The following PLS1 variants were observed in gnomAD, a reference collection of about 807,000 sequenced individuals.
PLS1 encodes plastin 1.
Under a neutral mutation model 73.7 loss-of-function variants are expected in PLS1, and 32 were observed. The ratio of observed to expected loss-of-function variants is 0.43; its 90% CI spans 0.33 to 0.58. The LOEUF is 0.58. PLS1 is among the 20% of genes least tolerant of loss of function. The probability of loss-of-function intolerance (pLI) is 0.04; values close to 1 mark genes in which losing one functional copy is unlikely to be tolerated. For missense variants in PLS1, 633 were observed against 740.5 expected (o/e 0.85, Z 1.68); for synonymous variants, 217 against 261.3 (o/e 0.83, Z 1.63).
At chr3:142,655,595 G>A (rs1014533926) in intron 1 of PLS1, among the ~76,000 whole-genome samples, 3 of 147,658 alleles carry the variant, frequency 2.0e-5, no homozygotes, top group Non-Finnish European at 1.5e-5. Context: ...GGTGGCGGGC[G>A]CCTGCAATCC....
intron 4 of PLS1, among the ~76,000 whole-genome samples, chr3:142,671,509 G>C (rs1041701902): frequency 1.3e-5 from 2 of 152,088 alleles, no homozygotes; most frequent in East Asian, 3.9e-4. Context: ...AGCTAGGAAT[G>C]GGGGAGAGGC....
chr3:142,612,343 A>G (rs2036138714), intron 1 of PLS1, among the ~76,000 whole-genome samples: 1 of 152,146 alleles, frequency 6.6e-6, no homozygotes, highest in African/African-American at 2.4e-5. Context: ...CCAGTGCCAA[A>G]ATTGTAATAC....
Position 142,641,541 on chromosome 3 carries a change from A to T in PLS1, c.-36-22661A>T, listed in dbSNP as rs972900009. Among the ~76,000 whole-genome samples, 9 of 151,682 alleles carry T rather than the reference A, an allele frequency of 5.9e-5. No individual in the cohort carries two copies. The East Asian group carries it at 1.7e-3, about 29-fold the overall frequency. On this transcript the variant is annotated intron_variant, in intron 1 of 15. Transcript: ENST00000457734. ...GTTTTAATCTCTGAAGAATTTAGAC[A>T]TATTTATTACAAAGTCCTTTTTGTG...
chr3:142,603,878 C>G (rs538669519), intron 1 of PLS1, among the ~76,000 whole-genome samples: 10 of 152,022 alleles, frequency 6.6e-5, no homozygotes, highest in African/African-American at 2.2e-4. Context: ...GAGAAACTGT[C>G]TTTTCTTGAT....
intron 6 of PLS1, among the ~76,000 whole-genome samples, chr3:142,682,200 CA>C (rs1370606712): frequency 1.3e-5 from 2 of 152,050 alleles, no homozygotes; most frequent in South Asian, 2.1e-4. Context: ...GTGGCAATAG[CA>C]AGGGGAGGAT....
At chr3:142,699,310 T>G (rs1172259593) in intron 12 of PLS1, among the ~76,000 whole-genome samples, 1 of 152,016 alleles carries the variant, frequency 6.6e-6, no homozygotes, top group Non-Finnish European at 1.5e-5. Flanking sequence ...ATACAAAAAA[T>G]TAGCCAGGCG....
At position 142,628,425 on chromosome 3, in the gene PLS1, A is replaced by G. The variant is rs554445576; in HGVS notation, c.-37+31916A>G. Among the ~76,000 whole-genome samples, 5 of 151,776 alleles carry G rather than the reference A, an allele frequency of 3.3e-5. No individual in the cohort carries two copies. In the East Asian group the frequency reaches 5.8e-4, roughly 18 times the overall value. On this transcript the variant is annotated intron_variant, in intron 1 of 15. Transcript: ENST00000457734. ...TGTGCATGCATATGTGTATGTGTATAAATTTATGTAGTGTAATAATATTAT... is the reference window on the plus strand; with the variant it reads ...TGTGCATGCATATGTGTATGTGTATGAATTTATGTAGTGTAATAATATTAT...
intron 6 of PLS1, among the ~76,000 whole-genome samples, chr3:142,679,160 G>A (rs575627903): frequency 0.057 from 8,653 of 150,708 alleles, 842 homozygotes; most frequent in African/African-American, 0.2. Flanking sequence ...TTCATTGTAG[G>A]TTCTGGATAT....
intron 1 of PLS1, among the ~76,000 whole-genome samples, chr3:142,646,568 G>C (rs1185213972): frequency 3.3e-5 from 5 of 152,262 alleles, no homozygotes; most frequent in African/African-American, 1.2e-4. Flanking sequence ...GCATGGGCAT[G>C]TTGCTGAAGC....
intron 1 of PLS1, among the ~76,000 whole-genome samples, chr3:142,638,274 A>C (rs2036742579): frequency 6.6e-6 from 1 of 152,244 alleles, no homozygotes; most frequent in African/African-American, 2.4e-5. Context: ...CAGAGAGGTC[A>C]GATACCCCAG....
intron 1 of PLS1, among the ~76,000 whole-genome samples, chr3:142,599,572 A>G (rs1017215073): frequency 6.7e-6 from 1 of 149,074 alleles, no homozygotes; most frequent in African/African-American, 2.5e-5. Context: ...CTCATGATCC[A>G]CCCGCCTCGG....
Position 142,606,477 on chromosome 3 carries a change from T to C in PLS1, c.-37+9968T>C, listed in dbSNP as rs1237409268. ...TTTAAAATAACAGTTTTATTACTCT[T>C]GGCTGTGACAGTTTCTCAGACTTTC... On this transcript the variant is annotated intron_variant, in intron 1 of 15. Transcript: ENST00000457734. 3.9e-5 allele frequency among the ~76,000 whole-genome samples: 6 copies of C among 152,324 alleles called. No individual in the cohort carries two copies. In the East Asian group the frequency reaches 1.2e-3, roughly 29 times the overall value.
chr3:142,709,816 C>CA (rs11438304), intron 14 of PLS1, among the ~76,000 whole-genome samples: 88,153 of 140,528 alleles, frequency 0.63, 27,272 homozygotes, highest in African/African-American at 0.67. Context: ...GACTCTGCGT[C>CA]AAAAAAAAAA....
chr3:142,702,863 G>A (rs1437477502), intron 12 of PLS1, among the ~76,000 whole-genome samples: 1 of 152,120 alleles, frequency 6.6e-6, no homozygotes, highest in African/African-American at 2.4e-5. Flanking sequence ...GCTGAGAGTG[G>A]GGACAGTATG....
At chr3:142,667,042 A>G (rs1467618332) in intron 2 of PLS1, among the ~76,000 whole-genome samples, 3 of 152,182 alleles carry the variant, frequency 2.0e-5, no homozygotes, top group Non-Finnish European at 4.4e-5. Flanking sequence ...TGTGATCTTT[A>G]TGGTTATTTA....
At chr3:142,660,654 G>C (rs1243531563) in intron 1 of PLS1, among the ~76,000 whole-genome samples, 7 of 152,062 alleles carry the variant, frequency 4.6e-5, no homozygotes, top group African/African-American at 1.4e-4. Flanking sequence ...TCAAATCATC[G>C]TAAGTTAGGA....
chr3:142,694,859 A>G (rs1043648970), intron 11 of PLS1, among the ~76,000 whole-genome samples: 1 of 152,180 alleles, frequency 6.6e-6, no homozygotes, highest in African/African-American at 2.4e-5. Flanking sequence ...AATTGTTGTT[A>G]TATCAGTATT....
intron 1 of PLS1, among the ~76,000 whole-genome samples, chr3:142,620,194 G>C (rs977212454): frequency 1.3e-5 from 2 of 151,426 alleles, no homozygotes; most frequent in Non-Finnish European, 2.9e-5. Flanking sequence ...GCACGATCTC[G>C]GCTCACTGCA....
intron 12 of PLS1, among the ~76,000 whole-genome samples, chr3:142,699,741 T>C (rs1459146639): frequency 6.6e-6 from 1 of 152,124 alleles, no homozygotes; most frequent in Non-Finnish European, 1.5e-5. Flanking sequence ...TCCACATCTA[T>C]AGAATGAAAA....
Sources: gnomAD v4.1 joint callset for allele counts (sites outside exome capture counted in the v4.1 genomes callset) on GRCh38, gnomAD v4.1.1 for gene constraint, MANE v1.5 for transcripts, NCBI Gene and HGNC (gene_info 2026-07-23, HGNC 2026-07-21) for gene names.